Variants in RFX7 observed in about 807,000 individuals in gnomAD.
RFX7 encodes the protein regulatory factor X7, also known as DNA-binding protein RFX7.
RFX7 carries 26 observed loss-of-function variants against 111.8 expected under a neutral mutation model. That is an observed-to-expected ratio of 0.23 (90% CI 0.17 to 0.32). The LOEUF (loss-of-function observed/expected upper bound fraction) is 0.32, where lower values mean the gene tolerates loss of function less well. Among genes scored for constraint, RFX7 ranks in the 10% least tolerant of loss-of-function variants. The pLI is 1.00. For missense variants in RFX7, 1,573 were observed against 1,772.9 expected (o/e 0.89, Z 2.02); for synonymous variants, 624 against 624.4 (o/e 1.00, Z 0.01).
Position 56,088,621 on chromosome 15 carries a change from C to T in RFX7, c.*4724G>A, listed in dbSNP as rs2041556661. The T allele has an allele frequency of 6.6e-6, 1 of 151,830 alleles. No individual in the cohort carries two copies. The highest frequency in any genetic ancestry group is 1.5e-5 in the Non-Finnish European group (1 of 67,954). The allele number at this position is 151,830 out of a possible 1,614,324, so 9.4% of individuals were successfully genotyped here. ...GATGATGCAATATTAATAAGTGATC[C>T]CATCCATAAATTTATAACTTTAATT... On this transcript the variant is annotated 3_prime_UTR_variant, in exon 10 of 10. Coordinates refer to ENST00000559447, the MANE Select transcript of RFX7 (RefSeq NM_022841.7).
intron 5 of RFX7, among the ~76,000 whole-genome samples, chr15:56,141,656 A>AATATATATATACATAT: frequency 1.2e-5 from 1 of 83,192 alleles, no homozygotes; most frequent in Admixed American, 1.3e-4. Context: ...GCTTACTCTA[A>AATATATATATACATAT]ATATATATAT....
chr15:56,097,943 A>G (rs2041703624), intron 9 of RFX7, 138 bp downstream of exon 9: 2 of 669,454 alleles, frequency 3.0e-6, no homozygotes, highest in Non-Finnish European at 5.1e-6. Flanking sequence ...AAAAGACTGA[A>G]GGGGAATGAA....
At chr15:56,170,421 A>C (rs1448843222) in intron 3 of RFX7, among the ~76,000 whole-genome samples, 1 of 152,122 alleles carries the variant, frequency 6.6e-6, no homozygotes, top group Non-Finnish European at 1.5e-5. Context: ...TTTTGGGCTA[A>C]GTCTGTTATG....
In RFX7 at chr15:56,087,440, T is replaced by C. The variant is rs1476945455; in HGVS notation, c.*5905A>G. On this transcript the variant is annotated 3_prime_UTR_variant, in exon 10 of 10. Transcript: ENST00000559447. ...CTCAGCATGTGTCTTTAACATGAAGTCCAGGAGGGCTGCTTGAGTTCTAGC... is the reference window on the plus strand; with the variant it reads ...CTCAGCATGTGTCTTTAACATGAAGCCCAGGAGGGCTGCTTGAGTTCTAGC... 2.2e-6 allele frequency: 1 copy of C among 456,598 alleles called. No homozygotes were observed. The highest frequency in any genetic ancestry group is 4.4e-6 in the Non-Finnish European group (1 of 226,980). 28.3% of individuals were successfully genotyped at this position (456,598 alleles called of 1,614,324 possible). A position where few individuals can be genotyped will look rare whatever the true frequency, so the allele number is the denominator to read the frequency against.
In RFX7 at chr15:56,098,157, A is replaced by T. The variant is rs778770338; in HGVS notation, c.1031T>A (p.Leu344His). Residue 344 changes from leucine (L) to histidine (H), a missense_variant, in exon 9 of 10, where the codon CTT (leucine) becomes CAT (histidine). Around this residue, in one of 7 missense-constraint regions of RFX7, gnomAD observed 288 missense variants for 337.9 expected, o/e 0.85. Coordinates refer to ENST00000559447, the MANE Select transcript of RFX7 (RefSeq NM_022841.7). ...AAGGATTGAAGGATTTCCATTAGGAAGATTAGTCACTCCATTGCTTGTAGC... is the reference window on the plus strand; with the variant it reads ...AAGGATTGAAGGATTTCCATTAGGATGATTAGTCACTCCATTGCTTGTAGC... ...ESATSNGVTN[L>H]PNGNPSILSP... 11 of 1,613,934 alleles carry T rather than the reference A, an allele frequency of 6.8e-6. No homozygotes were observed. In the South Asian group the frequency reaches 1.1e-4, roughly 16 times the overall value.
rs1169721198 is a variant in RFX7, at chr15:56,093,492, C to T, written c.4236G>A (p.Gln1412=). ...CCAGTGTAGCTTCATCATCTTGTCC[C>T]TGCTGACGACCTGGATCAAACAGTA... ...PNLLFDPGRQ[Q]GQDDEATLEE... Residue 1412 remains glutamine (Q), a synonymous_variant, in exon 10 of 10, where the codon CAG becomes CAA. Transcript: ENST00000559447. The T allele has an allele frequency of 6.2e-7, 1 of 1,613,884 alleles. No homozygotes were observed. The highest frequency in any genetic ancestry group is 8.5e-7 in the Non-Finnish European group (1 of 1,179,844).
At chr15:56,134,596 CTTTTTTTTTTTTTTTTACTTTCTT>C (rs759093599) in intron 5 of RFX7, among the ~76,000 whole-genome samples, 2 of 132,694 alleles carry the variant, frequency 1.5e-5, no homozygotes, top group Non-Finnish European at 3.2e-5. Flanking sequence ...AAATCACTTT[CTTTTTTTTTTTTTTTTACTTTCTT>C]TTTTTTTTTT....
intron 2 of RFX7, among the ~76,000 whole-genome samples, chr15:56,229,973 T>C (rs1201586805): frequency 2.0e-5 from 3 of 152,150 alleles, no homozygotes; most frequent in African/African-American, 7.2e-5. Context: ...CAAATAAATC[T>C]ACCTCCTTCC....
chr15:56,098,029 C>G, intron 9 of RFX7, 52 bp downstream of exon 9: 1 of 1,533,414 alleles, frequency 6.5e-7, no homozygotes, highest in Non-Finnish European at 8.9e-7. Context: ...TTTAAGTAAA[C>G]AGTTGATTTC....
At chr15:56,199,222 T>C (rs2043171905) in intron 2 of RFX7, among the ~76,000 whole-genome samples, 4 of 152,180 alleles carry the variant, frequency 2.6e-5, no homozygotes. Flanking sequence ...TTAATCAGTA[T>C]TTACTTAAGT....
intron 3 of RFX7, among the ~76,000 whole-genome samples, chr15:56,178,165 CTACA>C (rs1476693928): frequency 1.2e-5 from 1 of 81,850 alleles, no homozygotes; most frequent in African/African-American, 4.7e-5. Context: ...AACCAAAAAA[CTACA>C]CACACACACA....
At chr15:56,102,298 CT>C in intron 6 of RFX7, 45 bp from the exon 7 acceptor site, 1 of 1,155,710 alleles carries the variant, frequency 8.7e-7, no homozygotes, top group Non-Finnish European at 1.3e-6. Flanking sequence ...AAATGAATTG[CT>C]TATACAGACA....
intron 8 of RFX7, among the ~76,000 whole-genome samples, chr15:56,098,659 C>G (rs1257045837): frequency 6.6e-6 from 1 of 152,224 alleles, no homozygotes; most frequent in East Asian, 1.9e-4. Context: ...TTTTAAAAAC[C>G]GTAGCTATAT....
intron 3 of RFX7, among the ~76,000 whole-genome samples, chr15:56,146,558 G>A (rs1199274375): frequency 6.6e-6 from 1 of 151,870 alleles, no homozygotes; most frequent in East Asian, 1.9e-4. Context: ...GAGAAACCTT[G>A]GATTCTATAT....
At chr15:56,147,369 A>G (rs898979565) in intron 3 of RFX7, among the ~76,000 whole-genome samples, 16 of 152,194 alleles carry the variant, frequency 1.1e-4, no homozygotes, top group Non-Finnish European at 5.9e-5. Context: ...TATATTAAAT[A>G]TCCAAAATAG....
At chr15:56,102,283 A>G in intron 6 of RFX7, 30 bp from the exon 7 acceptor site, 1 of 1,362,756 alleles carries the variant, frequency 7.3e-7, no homozygotes, top group Non-Finnish European at 1.0e-6. Context: ...TAAATATTCA[A>G]AATTAAATGA....
Position 56,101,350 on chromosome 15 carries a change from A to C in RFX7, c.811+9T>G. 1.3e-6 allele frequency: 2 copies of C among 1,570,408 alleles called. No homozygotes were observed. Among genetic ancestry groups the C allele is most frequent in the Non-Finnish European group, 1.7e-6 (2 of 1,156,106 alleles). On this transcript the variant is annotated intron_variant, in intron 8 of 9. Transcript: ENST00000559447. ...GTCAGTTTTTAGCTTGTTCACAGTAATGTTGTACCTGCTGGTGCTGCTGCC... is the reference window on the plus strand; with the variant it reads ...GTCAGTTTTTAGCTTGTTCACAGTACTGTTGTACCTGCTGGTGCTGCTGCC...
chr15:56,220,165 T>G (rs1047445273), intron 2 of RFX7, among the ~76,000 whole-genome samples: 2 of 152,200 alleles, frequency 1.3e-5, no homozygotes, highest in Non-Finnish European at 2.9e-5. Context: ...TTGTTGGCCA[T>G]GTGAATGTCT....
At position 56,089,613 on chromosome 15, in the gene RFX7, C is replaced by T. The variant is rs2041570442; in HGVS notation, c.*3732G>A. 1 of 152,086 alleles carries T rather than the reference C, an allele frequency of 6.6e-6. No homozygotes were observed. The highest frequency in any genetic ancestry group is 1.5e-5 in the Non-Finnish European group (1 of 68,030). 9.4% of individuals were successfully genotyped at this position (152,086 alleles called of 1,614,324 possible). On this transcript the variant is annotated 3_prime_UTR_variant, in exon 10 of 10. Transcript: ENST00000559447. Reference sequence around the variant, plus strand: ...TGCCTGCTCTGACATTTTACCCTTCCATGTCATTGAGCACTGAGGATCCTA... The same window carrying T: ...TGCCTGCTCTGACATTTTACCCTTCTATGTCATTGAGCACTGAGGATCCTA...
Sources: gnomAD v4.1 joint callset for allele counts (sites outside exome capture counted in the v4.1 genomes callset) on GRCh38, gnomAD v4.1.1 for gene constraint, gnomAD v4.1.1 regional missense constraint, MANE v1.5 for transcripts, NCBI Gene and HGNC (gene_info 2026-07-23, HGNC 2026-07-21) for gene names.